Variants in NKD1 observed in about 807,000 individuals in gnomAD.
NKD1 encodes the protein NKD inhibitor of Wnt signaling pathway 1.
A neutral mutation model predicts 56.0 loss-of-function variants in NKD1; 21 were observed. The observed-to-expected ratio is 0.38, with a 90% CI of 0.27 to 0.54. The LOEUF is 0.54. Ranked by LOEUF, NKD1 falls within the 20% of genes least tolerant of loss-of-function variation. The pLI, the probability that NKD1 is intolerant of heterozygous loss-of-function variation, is 0.82. For synonymous variants in NKD1, 263 were observed against 265.7 expected, an observed-to-expected ratio of 0.99 and a Z score of 0.10; for missense variants, 578 against 642.7, an observed-to-expected ratio of 0.90 and a Z score of 1.09.
intron 6 of NKD1, 128 bp downstream of exon 6, chr16:50,625,708 C>T (rs1962196078): frequency 4.6e-6 from 3 of 655,574 alleles, no homozygotes; most frequent in Non-Finnish European, 8.2e-6. Flanking sequence ...CCGTAACAGC[C>T]AGGGAGTTGC....
intron 3 of NKD1, among the ~76,000 whole-genome samples, chr16:50,566,982 G>C (rs1960772836): frequency 6.6e-6 from 1 of 151,756 alleles, no homozygotes; most frequent in African/African-American, 2.4e-5. Flanking sequence ...CCCAGGTTAG[G>C]AACTCCTGTT....
At chr16:50,608,884 G>A (rs1214205360) in intron 4 of NKD1, among the ~76,000 whole-genome samples, 1 of 152,182 alleles carries the variant, frequency 6.6e-6, no homozygotes, top group Non-Finnish European at 1.5e-5. Context: ...CTGGAGTGCA[G>A]TAGGTAATTG....
intron 3 of NKD1, chr16:50,571,578 T>A (rs1960884747): frequency 1.0e-6 from 1 of 968,198 alleles, no homozygotes; most frequent in South Asian, 4.8e-5. Flanking sequence ...CATCTGTTGC[T>A]CAGAGAGGCA....
intron 6 of NKD1, among the ~76,000 whole-genome samples, chr16:50,627,488 G>C (rs888018633): frequency 6.6e-6 from 1 of 152,222 alleles, no homozygotes; most frequent in Non-Finnish European, 1.5e-5. Flanking sequence ...CGAGGAGCCA[G>C]GGAGTGGTTT....
chr16:50,642,944 C>A lies in NKD1; in HGVS notation c.*9163C>A, dbSNP rs1962606506. On this transcript the variant is annotated 3_prime_UTR_variant, in exon 10 of 10. Coordinates refer to ENST00000268459, the MANE Select transcript of NKD1 (RefSeq NM_033119.5). ...TGGACAAGCCCCTGCTGTCTCTGGC[C>A]TTCAGTACCATATTTGTATTATGAA... The A allele has an allele frequency of 6.6e-6, 1 of 152,254 alleles. No homozygotes were observed. The highest frequency in any genetic ancestry group is 1.5e-5 in the Non-Finnish European group (1 of 68,072). 9.4% of individuals were successfully genotyped at this position (152,254 alleles called of 1,614,324 possible). A position where few individuals can be genotyped will look rare whatever the true frequency, so the allele number is the denominator to read the frequency against.
chr16:50,616,912 G>A (rs572458262), intron 4 of NKD1, among the ~76,000 whole-genome samples: 21 of 152,326 alleles, frequency 1.4e-4, no homozygotes, highest in African/African-American at 5.1e-4. Flanking sequence ...ACAGTGCACA[G>A]CCTGCTTCTT....
chr16:50,627,652 G>A (rs1319175530), intron 6 of NKD1, among the ~76,000 whole-genome samples: 1 of 152,226 alleles, frequency 6.6e-6, no homozygotes, highest in East Asian at 1.9e-4. Context: ...CCCAGAGCTG[G>A]GGTGTGGGCC....
intron 1 of NKD1, 29 bp from the exon 2 acceptor site, chr16:50,548,688 G>A (rs1164570134): frequency 1.4e-6 from 2 of 1,462,748 alleles, no homozygotes; most frequent in Admixed American, 2.6e-5. Flanking sequence ...GGCTGCCGCC[G>A]CCGCCGCCGC....
At chr16:50,568,564 G>GA (rs1423957936) in intron 3 of NKD1, among the ~76,000 whole-genome samples, 3 of 152,190 alleles carry the variant, frequency 2.0e-5, no homozygotes, top group Admixed American at 1.3e-4. Flanking sequence ...GGCAGCGAGA[G>GA]AGGGGGGTCT....
intron 3 of NKD1, among the ~76,000 whole-genome samples, chr16:50,603,477 C>T (rs971306597): frequency 2.0e-5 from 3 of 152,208 alleles, no homozygotes; most frequent in Non-Finnish European, 4.4e-5. Flanking sequence ...CTAGGCCCTG[C>T]CCCCCTCCTC....
intron 3 of NKD1, among the ~76,000 whole-genome samples, chr16:50,551,123 G>A (rs1476645735): frequency 6.6e-6 from 1 of 152,102 alleles, no homozygotes; most frequent in Non-Finnish European, 1.5e-5. Flanking sequence ...TGGGAGGATG[G>A]GAGGGAGGAG....
rs117886119 is a variant in NKD1 at position 50,568,007 on chromosome 16, C to T, written c.192+18452C>T. On this transcript the variant is annotated intron_variant, in intron 3 of 9. Coordinates refer to ENST00000268459, the MANE Select transcript of NKD1 (RefSeq NM_033119.5). ...TACTGGGCAGAAGATTGCTTTATGG[C>T]GAGAGCCAGTTATTTCAGGAGACAA... Among the ~76,000 whole-genome samples the T allele has an allele frequency of 5.2e-3, 797 of 152,312 alleles. 7 individuals carry two copies. Among genetic ancestry groups the T allele is most frequent in the Middle Eastern group, 0.017 (5 of 294 alleles).
rs570075594 is a variant in NKD1 at position 50,571,592 on chromosome 16, T to TG, written c.192+22043dup. 4.7e-3 allele frequency: 4,387 copies of TG among 925,734 alleles called. 20 individuals carry two copies. The highest frequency in any genetic ancestry group is 5.2e-3 in the Non-Finnish European group (4,058 of 775,424). 57.3% of individuals were successfully genotyped at this position (925,734 alleles called of 1,614,324 possible). A position where few individuals can be genotyped will look rare whatever the true frequency, so the allele number is the denominator to read the frequency against. ...TCATCTGTTGCTCAGAGAGGCATCC[T>TG]GGGGGGTCATTCCTAACTCCTCCCC... On this transcript the variant is annotated intron_variant, in intron 3 of 9. Transcript: ENST00000268459.
chr16:50,603,984 T>G (rs894503677), intron 3 of NKD1, among the ~76,000 whole-genome samples: 18 of 152,138 alleles, frequency 1.2e-4, no homozygotes, highest in Admixed American at 1.3e-4. Flanking sequence ...CAGCCCCAGG[T>G]CAGGTGGAGC....
At chr16:50,561,092 A>C (rs562666112) in intron 3 of NKD1, among the ~76,000 whole-genome samples, 59 of 152,126 alleles carry the variant, frequency 3.9e-4, no homozygotes, top group African/African-American at 1.4e-3. Flanking sequence ...GCTCCCAGGG[A>C]TGCTGTGGGT....
At chr16:50,562,980 A>ACCGC (rs1330575476) in intron 3 of NKD1, among the ~76,000 whole-genome samples, 1 of 56,398 alleles carries the variant, frequency 1.8e-5, no homozygotes, top group African/African-American at 9.5e-5. Context: ...GCTAGGTCCC[A>ACCGC]CCACCACCCC....
At position 50,633,670 on chromosome 16, in the gene NKD1, G is replaced by A. The variant is rs1387905292; in HGVS notation, c.1302G>A (p.Glu434=). The part of the protein sequence containing the change: ...GPVLGREHLR[E]LPALVVYESQ... ...TCCTGGGGCGGGAGCACCTGCGGGAGCTGCCCGCCTTGGTGGTGTATGAGA... is the reference window on the plus strand; with the variant it reads ...TCCTGGGGCGGGAGCACCTGCGGGAACTGCCCGCCTTGGTGGTGTATGAGA... The change falls in exon 10 of 10, where the codon GAG becomes GAA. Residue 434 remains glutamate, a synonymous_variant. Transcript: ENST00000268459. The surrounding 1 kb of genome is among the most constrained non-coding windows in gnomAD (Gnocchi z 4.9). The A allele has an allele frequency of 1.2e-6, 2 of 1,602,798 alleles. No individual in the cohort carries two copies. Among genetic ancestry groups the A allele is most frequent in the Admixed American group, 1.7e-5 (1 of 58,674 alleles).
chr16:50,615,865 CA>C (rs1485335072), intron 4 of NKD1, among the ~76,000 whole-genome samples: 12 of 152,206 alleles, frequency 7.9e-5, no homozygotes, highest in Non-Finnish European at 1.3e-4. Context: ...GCTGTGTTTA[CA>C]AACAGAGGTG....
rs932035445 is a variant in NKD1, at chr16:50,575,364, G to T, written c.192+25809G>T. On this transcript the variant is annotated intron_variant, in intron 3 of 9. Transcript: ENST00000268459. Reference sequence around the variant, plus strand: ...TAGGCCAGAGCCGGCTTAGGGCCTGGTTTTCAGAACATCAGCGCGAGGGTA... The same window carrying T: ...TAGGCCAGAGCCGGCTTAGGGCCTGTTTTTCAGAACATCAGCGCGAGGGTA... 4.1e-6 allele frequency: 4 copies of T among 985,070 alleles called. No homozygotes were observed. In the African/African-American group the frequency reaches 7.0e-5, roughly 17 times the overall value. 61.0% of individuals were successfully genotyped at this position (985,070 alleles called of 1,614,324 possible).
Sources: allele counts gnomAD v4.1 joint callset (sites outside exome capture counted in the v4.1 genomes callset), GRCh38; gene constraint gnomAD v4.1.1; non-coding constraint Gnocchi (gnomAD v3.1); transcripts MANE v1.5; gene names NCBI Gene and HGNC (gene_info 2026-07-23, HGNC 2026-07-21).